PTPRN2: variants seen among roughly 807,000 people sequenced by gnomAD.
The protein encoded by PTPRN2 is receptor-type tyrosine-protein phosphatase N2.
A neutral mutation model predicts 118.8 loss-of-function variants in PTPRN2; 74 were observed. That is an observed-to-expected ratio of 0.62 (90% confidence interval 0.52 to 0.76). The LOEUF is 0.76. Ranked by LOEUF, PTPRN2 falls within the 30% of genes least tolerant of loss-of-function variation. PTPRN2 has a pLI of 0.00. For missense variants in PTPRN2, 1,481 were observed against 1,394.4 expected (o/e 1.06, Z -0.99); for synonymous variants, 641 against 608.0 (o/e 1.05, Z -0.80).
At position 158,475,008 on chromosome 7, in the gene PTPRN2, T is replaced by C. The variant is rs74513403; in HGVS notation, c.163+14727A>G. Among the ~76,000 whole-genome samples, 459 of 152,112 alleles carry C rather than the reference T, an allele frequency of 3.0e-3. 16 individuals carry two copies. In the South Asian group the frequency reaches 0.05, roughly 17 times the overall value. On this transcript the variant is annotated intron_variant, in intron 2 of 22. Transcript: ENST00000389418. ...CAGGCCCTGAGGAGCCTGGTGGTCC[T>C]CGTTCAGCTCCAGGGCAGATGCTGG...
At chr7:158,168,241 T>C (rs1823206567) in intron 5 of PTPRN2, among the ~76,000 whole-genome samples, 2 of 152,204 alleles carry the variant, frequency 1.3e-5, no homozygotes, top group South Asian at 4.1e-4. Flanking sequence ...CTGAGCCTAG[T>C]ATGTCCTGCA....
At chr7:157,969,421 C>T (rs926242341) in intron 11 of PTPRN2, among the ~76,000 whole-genome samples, 5 of 152,180 alleles carry the variant, frequency 3.3e-5, no homozygotes, top group African/African-American at 4.8e-5. Context: ...CCAGTATTTC[C>T]TCTTTGCACA....
intron 12 of PTPRN2, among the ~76,000 whole-genome samples, chr7:157,786,247 C>T (rs565910812): frequency 3.9e-5 from 6 of 152,334 alleles, no homozygotes; most frequent in African/African-American, 1.4e-4. Flanking sequence ...GTACCGTTCA[C>T]GTATCCTGGC....
intron 2 of PTPRN2, among the ~76,000 whole-genome samples, chr7:158,414,631 C>T (rs1349912618): frequency 1.3e-5 from 2 of 152,214 alleles, no homozygotes; most frequent in East Asian, 1.9e-4. Flanking sequence ...CCCGCTTCCA[C>T]GGCCCAAAAA....
chr7:158,330,888 C>T (rs1275714530), intron 2 of PTPRN2, among the ~76,000 whole-genome samples: 1 of 105,568 alleles, frequency 9.5e-6, no homozygotes. Context: ...CACACCCAAA[C>T]TCTCACCATA....
intron 2 of PTPRN2, among the ~76,000 whole-genome samples, chr7:158,406,313 T>A (rs1278403679): frequency 9.0e-6 from 1 of 110,666 alleles, no homozygotes; most frequent in African/African-American, 3.8e-5. Context: ...GACATTTGGC[T>A]GCACACTGAG....
chr7:157,540,802 G>T lies in PTPRN2; in HGVS notation c.2977-17C>A. 6.5e-7 allele frequency: 1 copy of T among 1,549,788 alleles called. No individual in the cohort carries two copies. Among genetic ancestry groups the T allele is most frequent in the Non-Finnish European group, 8.7e-7 (1 of 1,143,868 alleles). ...AAACTGCTCCTGCAGGGCGAGAAAC[G>T]AGAGAAGTGCCAATGAGAGCGGCGT... On this transcript the variant is annotated splice_polypyrimidine_tract_variant and intron_variant, in intron 22 of 22. Coordinates refer to ENST00000389418, the MANE Select transcript of PTPRN2 (RefSeq NM_002847.5).
rs1308965009 is a variant in PTPRN2, at chr7:157,598,101, T to C, written c.2419-2786A>G. Among the ~76,000 whole-genome samples the C allele has an allele frequency of 1.3e-5, 2 of 152,212 alleles. No individual in the cohort carries two copies. The highest frequency in any genetic ancestry group is 4.8e-5 in the African/African-American group (2 of 41,454). The stretch of plus-strand genomic sequence containing the variant: ...AAGGTTTTCGGGCAGGATAAGTGGC[T>C]GTGGAGGAAATCAAGTGAGTTTCTA... On this transcript the variant is annotated intron_variant, in intron 16 of 22. Coordinates refer to ENST00000389418, the MANE Select transcript of PTPRN2 (RefSeq NM_002847.5). This position sits in a 1 kb window ranked among gnomAD's most constrained non-coding sequence, Gnocchi z 5.2.
intron 5 of PTPRN2, among the ~76,000 whole-genome samples, chr7:158,172,121 C>T (rs901195371): frequency 6.6e-6 from 1 of 152,068 alleles, no homozygotes; most frequent in African/African-American, 2.4e-5. Flanking sequence ...GAAGCAGAAC[C>T]CACTCGCCCA....
intron 12 of PTPRN2, among the ~76,000 whole-genome samples, chr7:157,839,947 T>C (rs1808256157): frequency 6.7e-6 from 1 of 150,024 alleles, no homozygotes; most frequent in Non-Finnish European, 1.5e-5. Context: ...TGACTGCGTG[T>C]GACTGTGTGG....
chr7:157,580,807 C>G (rs1356785962), intron 17 of PTPRN2, among the ~76,000 whole-genome samples: 2 of 130,164 alleles, frequency 1.5e-5, no homozygotes, highest in South Asian at 2.7e-4. Context: ...CCAGCACCTG[C>G]ACACCCCAGC....
chr7:158,520,853 C>G (rs1823931551), intron 1 of PTPRN2, among the ~76,000 whole-genome samples: 2 of 152,152 alleles, frequency 1.3e-5, no homozygotes, highest in Non-Finnish European at 2.9e-5. Context: ...ATCGGTAACC[C>G]CAGCCTCTTC....
intron 12 of PTPRN2, among the ~76,000 whole-genome samples, chr7:157,879,166 C>A (rs1263349867): frequency 1.4e-5 from 2 of 144,294 alleles, no homozygotes; most frequent in East Asian, 2.1e-4. Context: ...CAGTGTGATA[C>A]CGTGCACCCA....
intron 12 of PTPRN2, among the ~76,000 whole-genome samples, chr7:157,726,568 G>T (rs1022463295): frequency 6.6e-6 from 1 of 152,206 alleles, no homozygotes; most frequent in African/African-American, 2.4e-5. Flanking sequence ...AACATACAGG[G>T]CAAGACCTTT....
intron 12 of PTPRN2, among the ~76,000 whole-genome samples, chr7:157,875,398 TTC>T (rs1584929666): frequency 6.6e-6 from 1 of 152,192 alleles, no homozygotes; most frequent in East Asian, 1.9e-4. Flanking sequence ...TATCGGCAGT[TTC>T]TGATAACCTT....
chr7:157,998,817 C>CAAA (rs1213090372), intron 11 of PTPRN2, among the ~76,000 whole-genome samples: 25 of 59,144 alleles, frequency 4.2e-4, no homozygotes, highest in African/African-American at 1.1e-3. Context: ...TACTCCATCT[C>CAAA]AAAAAAAAAA....
At chr7:158,289,329 C>A (rs1013859851) in intron 3 of PTPRN2, among the ~76,000 whole-genome samples, 1 of 152,168 alleles carries the variant, frequency 6.6e-6, no homozygotes, top group Non-Finnish European at 1.5e-5. Flanking sequence ...TGTTATCTCA[C>A]AAATCCCATA....
At chr7:158,387,376 C>A (rs147621520) in intron 2 of PTPRN2, among the ~76,000 whole-genome samples, 1 of 152,236 alleles carries the variant, frequency 6.6e-6, no homozygotes, top group African/African-American at 2.4e-5. Context: ...GCCAGGACCA[C>A]GCTCACTGCC....
chr7:158,147,777 TTA>T (rs1820317796), intron 6 of PTPRN2, among the ~76,000 whole-genome samples: 2 of 91,370 alleles, frequency 2.2e-5, no homozygotes, highest in Admixed American at 1.2e-4. Flanking sequence ...ACGCCACGTG[TTA>T]TTCCCCCTCA....
Sources: allele counts gnomAD v4.1 joint callset (sites outside exome capture counted in the v4.1 genomes callset), GRCh38; gene constraint gnomAD v4.1.1; non-coding constraint Gnocchi (gnomAD v3.1); transcripts MANE v1.5; gene names NCBI Gene and HGNC (gene_info 2026-07-23, HGNC 2026-07-21).